KIAA1671: variants seen among roughly 807,000 people sequenced by gnomAD.
KIAA1671 encodes the protein uncharacterized protein KIAA1671.
A neutral mutation model predicts 131.2 loss-of-function variants in KIAA1671; 52 were observed. That is an observed-to-expected ratio of 0.40 (90% confidence interval 0.32 to 0.50). KIAA1671 has a LOEUF of 0.50. Among genes scored for constraint, KIAA1671 ranks in the 20% least tolerant of loss-of-function variants. The pLI, the probability that KIAA1671 is intolerant of heterozygous loss-of-function variation, is 0.73. For missense variants in KIAA1671, 2,360 were observed against 2,364.2 expected, an observed-to-expected ratio of 1.00 and a Z score of 0.04; for synonymous variants, 1,003 against 961.6, an observed-to-expected ratio of 1.04 and a Z score of -0.80.
At chr22:25,163,587 G>A (rs1933537605) in intron 6 of KIAA1671, among the ~76,000 whole-genome samples, 1 of 151,120 alleles carries the variant, frequency 6.6e-6, no homozygotes, top group African/African-American at 2.4e-5. Context: ...GACTACAGGT[G>A]CACGCCACCA....
At chr22:25,166,600 G>C (rs950514407) in intron 6 of KIAA1671, among the ~76,000 whole-genome samples, 19 of 152,130 alleles carry the variant, frequency 1.2e-4, no homozygotes, top group African/African-American at 3.4e-4. Flanking sequence ...CCATTCCCCT[G>C]CCTGACTCCA....
At chr22:25,175,196 T>A (rs116395000) in intron 8 of KIAA1671, 1 of 152,190 alleles carries the variant, frequency 6.6e-6, no homozygotes, top group South Asian at 2.1e-4. Context: ...GTCTTCCTTT[T>A]CAACCCTTGA....
At chr22:25,095,760 C>T (rs9612858) in intron 6 of KIAA1671, among the ~76,000 whole-genome samples, 11,679 of 152,312 alleles carry the variant, frequency 0.077, 539 homozygotes, top group Middle Eastern at 0.1. Flanking sequence ...TGCCCAATCT[C>T]GCACAACCTC....
intron 6 of KIAA1671, among the ~76,000 whole-genome samples, chr22:25,089,670 C>T (rs1466044415): frequency 6.6e-6 from 1 of 152,170 alleles, no homozygotes; most frequent in Non-Finnish European, 1.5e-5. Context: ...TTTTCTATAT[C>T]AGCATAATAG....
rs561507179 is a variant in KIAA1671, at chr22:25,185,258, C to G, written c.5342+139C>G. The G allele has an allele frequency of 2.5e-5, 24 of 972,160 alleles. No individual in the cohort carries two copies. In the African/African-American group the frequency reaches 3.2e-4, roughly 13 times the overall value. The allele number at this position is 972,160 out of a possible 1,614,324, so 60.2% of individuals were successfully genotyped here. ...TTTCTCTAGCAGCAGAAGCTTTGTTCATGAGAATTCTCAATACTCAGATAC... is the reference window on the plus strand; with the variant it reads ...TTTCTCTAGCAGCAGAAGCTTTGTTGATGAGAATTCTCAATACTCAGATAC... On this transcript the variant is annotated intron_variant, in intron 11 of 12. Coordinates refer to ENST00000358431, the MANE Select transcript of KIAA1671 (RefSeq NM_001145206.2).
chr22:24,964,086 T>A (rs1922164122), intron 1 of KIAA1671, among the ~76,000 whole-genome samples: 1 of 152,278 alleles, frequency 6.6e-6, no homozygotes, highest in East Asian at 1.9e-4. Context: ...CCCAGCACTT[T>A]GGGAGGCCAA....
At chr22:25,103,546 G>A (rs1930823572) in intron 6 of KIAA1671, among the ~76,000 whole-genome samples, 1 of 152,162 alleles carries the variant, frequency 6.6e-6, no homozygotes, top group African/African-American at 2.4e-5. Flanking sequence ...TTTTAGTACA[G>A]ACGAGGTTTC....
intron 6 of KIAA1671, among the ~76,000 whole-genome samples, chr22:25,163,556 C>G (rs1265205273): frequency 2.0e-5 from 3 of 149,842 alleles, no homozygotes; most frequent in Non-Finnish European, 4.4e-5. Flanking sequence ...ATTCTCTTAC[C>G]TCAGCCTCCA....
chr22:25,094,460 G>A (rs1014773518), intron 6 of KIAA1671, among the ~76,000 whole-genome samples: 7 of 152,094 alleles, frequency 4.6e-5, no homozygotes, highest in African/African-American at 1.7e-4. Context: ...TCAGCAGGTG[G>A]GAGGCAAGCA....
chr22:25,062,959 A>G (rs1344894670), intron 6 of KIAA1671: 1 of 152,064 alleles, frequency 6.6e-6, no homozygotes, highest in Non-Finnish European at 1.5e-5. Flanking sequence ...TTTGGGGCAG[A>G]TAACCCCCTT....
At chr22:25,049,466 G>C in intron 6 of KIAA1671, 102 bp downstream of exon 6, 1 of 1,356,518 alleles carries the variant, frequency 7.4e-7, no homozygotes, top group East Asian at 2.6e-5. Context: ...CCAGGGCCCT[G>C]ACGGGGTTGA....
Position 25,040,204 on chromosome 22 carries a change from C to A in KIAA1671, c.3074C>A (p.Ala1025Glu). The stretch of plus-strand genomic sequence containing the variant: ...CAAGGGTCACCTGTGGAACCCAAGG[C>A]GACATTTTTTGCAGTCACCTATCAG... ...VKQGSPVEPK[A>E]TFFAVTYQIP... The change falls in exon 5 of 13, where the codon GCG becomes GAG. Residue 1025 changes from alanine to glutamate, a missense_variant. Physicochemically the swap from Ala to Glu is moderately radical, Grantham distance 107. Coordinates refer to ENST00000358431, the MANE Select transcript of KIAA1671 (RefSeq NM_001145206.2). 1 of 1,551,678 alleles carries A rather than the reference C, an allele frequency of 6.4e-7. No homozygotes were observed. Among genetic ancestry groups the A allele is most frequent in the Non-Finnish European group, 8.7e-7 (1 of 1,147,008 alleles).
At chr22:25,122,933 C>T (rs1433095052) in intron 6 of KIAA1671, among the ~76,000 whole-genome samples, 1 of 151,956 alleles carries the variant, frequency 6.6e-6, no homozygotes, top group Non-Finnish European at 1.5e-5. Flanking sequence ...TGAGATCGCG[C>T]CACTGCACAC....
chr22:25,111,401 T>A (rs1266624135), intron 6 of KIAA1671, among the ~76,000 whole-genome samples: 1 of 152,148 alleles, frequency 6.6e-6, no homozygotes, highest in Non-Finnish European at 1.5e-5. Context: ...GGACGTCAGC[T>A]CCCTGGGCGG....
chr22:25,006,188 T>G (rs970121747), intron 1 of KIAA1671, among the ~76,000 whole-genome samples: 1 of 152,024 alleles, frequency 6.6e-6, no homozygotes, highest in Non-Finnish European at 1.5e-5. Flanking sequence ...CCCGCCACCA[T>G]GCCTGGCTAG....
At chr22:24,991,473 G>GT (rs959051866) in intron 1 of KIAA1671, among the ~76,000 whole-genome samples, 3 of 128,026 alleles carry the variant, frequency 2.3e-5, no homozygotes, top group East Asian at 2.4e-4. Context: ...TTGTTTGTTT[G>GT]TTTTTTTGAG....
rs1926778635 is a variant in KIAA1671 at position 25,039,203 on chromosome 22, T to A, written c.2073T>A (p.Asn691Lys). Residue 691 changes from asparagine to lysine, a missense_variant, in exon 5 of 13, where the codon AAT (asparagine) becomes AAA (lysine). Asn to Lys is a moderately conservative substitution (Grantham distance 94, BLOSUM62 0). This residue lies in a region of KIAA1671 where 1,185 missense variants were observed against 1,126.2 expected (regional missense o/e 1.05). Coordinates refer to ENST00000358431, the MANE Select transcript of KIAA1671 (RefSeq NM_001145206.2). ...TEKLGPTTLLNGELRPYHTPL... is the reference protein window; with the variant it reads ...TEKLGPTTLLKGELRPYHTPL... ...AATTGGGACCAACCACCCTTTTGAA[T>A]GGTGAACTGAGACCGTATCACACGC... The A allele has an allele frequency of 6.4e-7, 1 of 1,552,190 alleles. No homozygotes were observed.
intron 6 of KIAA1671, among the ~76,000 whole-genome samples, chr22:25,129,512 A>G (rs1932336767): frequency 6.6e-6 from 1 of 151,776 alleles, no homozygotes. Context: ...CATCTGAAAA[A>G]AAAAAAAAAC....
intron 1 of KIAA1671, chr22:25,015,111 A>G (rs1925233442): frequency 6.6e-6 from 1 of 152,006 alleles, no homozygotes; most frequent in South Asian, 2.1e-4. Context: ...ATGGTGGTGC[A>G]TGCCTGTAGT....
Sources: allele counts gnomAD v4.1 joint callset (sites outside exome capture counted in the v4.1 genomes callset), GRCh38; gene constraint gnomAD v4.1.1; regional missense constraint gnomAD v4.1.1; transcripts MANE v1.5; gene names NCBI Gene and HGNC (gene_info 2026-07-23, HGNC 2026-07-21).